Variants in FAM118B observed in about 807,000 individuals in gnomAD.
FAM118B encodes the protein SIR2 antiphage like 1.
A neutral mutation model predicts 38.5 loss-of-function variants in FAM118B; 24 were observed. The ratio of observed to expected loss-of-function variants is 0.62; its 90% confidence interval spans 0.45 to 0.88. The LOEUF is 0.88. Among genes scored for constraint, FAM118B ranks in the 40% least tolerant of loss-of-function variants. The pLI is 0.00. For synonymous variants in FAM118B, 138 were observed against 156.3 expected (o/e 0.88, Z 0.87); for missense variants, 334 against 420.0 (o/e 0.80, Z 1.79).
chr11:126,251,377 G>A (rs35638991), intron 5 of FAM118B, among the ~76,000 whole-genome samples: 16,456 of 152,270 alleles, frequency 0.11, 1,161 homozygotes, highest in Non-Finnish European at 0.16. Context: ...GCCCAACTAA[G>A]TAGAGTTGAA....
intron 7 of FAM118B, chr11:126,261,001 A>ATT: frequency 6.2e-6 from 1 of 160,558 alleles, no homozygotes; most frequent in Non-Finnish European, 1.4e-5. Context: ...GTGCTACCGT[A>ATT]TTTTATTTTG....
At position 126,255,485 on chromosome 11, in the gene FAM118B, A is replaced by G. The variant is rs1041628650; in HGVS notation, c.696+1052A>G. On this transcript the variant is annotated intron_variant, in intron 6 of 8. Transcript: ENST00000533050. The surrounding 1 kb of genome is among the most constrained non-coding windows in gnomAD (Gnocchi z 4.6). Reference sequence around the variant, plus strand: ...CATTTCTGTGTTTTTGTGTGTGTATATGTATACACACACACACACATACTG... The same window carrying G: ...CATTTCTGTGTTTTTGTGTGTGTATGTGTATACACACACACACACATACTG... 2.0e-5 allele frequency among the ~76,000 whole-genome samples: 3 copies of G among 152,224 alleles called. No individual in the cohort carries two copies. In the East Asian group the frequency reaches 5.8e-4, roughly 29 times the overall value.
chr11:126,234,517 C>G (rs1390419269), intron 2 of FAM118B, among the ~76,000 whole-genome samples: 2 of 152,210 alleles, frequency 1.3e-5, no homozygotes, highest in African/African-American at 4.8e-5. Flanking sequence ...TGTCATTCAG[C>G]AAATTAGTAT....
At chr11:126,260,420 GAA>G (rs1950665274) in intron 7 of FAM118B, 1 of 145,672 alleles carries the variant, frequency 6.9e-6, no homozygotes, top group African/African-American at 2.5e-5. Context: ...TTGGTCCTTT[GAA>G]AATTCAGTAG....
At chr11:126,261,643 A>G (rs1950702271) in intron 8 of FAM118B, among the ~76,000 whole-genome samples, 159 bp downstream of exon 8, 1 of 152,198 alleles carries the variant, frequency 6.6e-6, no homozygotes, top group Admixed American at 6.5e-5. Context: ...TAAGGATTCT[A>G]TCTTTTCCTA....
At chr11:126,218,580 G>A (rs955688584) in intron 1 of FAM118B, among the ~76,000 whole-genome samples, 3 of 152,094 alleles carry the variant, frequency 2.0e-5, no homozygotes, top group African/African-American at 4.8e-5. Context: ...AGTGCCTGGC[G>A]ATGAATAGAT....
chr11:126,247,108 C>T (rs1183278721), intron 4 of FAM118B, among the ~76,000 whole-genome samples: 1 of 152,142 alleles, frequency 6.6e-6, no homozygotes, highest in Non-Finnish European at 1.5e-5. Context: ...GCTTGGGCAA[C>T]ATAGTGAGAC....
chr11:126,230,153 G>A (rs192513525), intron 2 of FAM118B, among the ~76,000 whole-genome samples: 1 of 152,334 alleles, frequency 6.6e-6, no homozygotes, highest in East Asian at 1.9e-4. Flanking sequence ...CCTGTGTGCT[G>A]AGATAGAGGA....
chr11:126,262,192 G>C lies in FAM118B; in HGVS notation c.*59G>C, dbSNP rs561297451. 1.9e-6 allele frequency: 3 copies of C among 1,573,052 alleles called. No homozygotes were observed. The Admixed American group carries it at 5.1e-5, about 27-fold the overall frequency. On this transcript the variant is annotated 3_prime_UTR_variant, in exon 9 of 9. Transcript: ENST00000533050. ...GCTGTAAGGCCCTACTACAGACAGT[G>C]TTTAACAAGTAAACTTACAAGAACC...
intron 4 of FAM118B, among the ~76,000 whole-genome samples, chr11:126,247,534 C>T (rs1015453152): frequency 7.2e-5 from 11 of 152,004 alleles, no homozygotes; most frequent in Non-Finnish European, 1.5e-4. Flanking sequence ...GCCTTTTTAT[C>T]GGTGTGTGTA....
intron 3 of FAM118B, among the ~76,000 whole-genome samples, chr11:126,237,919 T>G (rs1950302908): frequency 1.3e-5 from 2 of 151,976 alleles, no homozygotes; most frequent in Non-Finnish European, 2.9e-5. Flanking sequence ...TCTTTTAATT[T>G]TTTTTTCTCC....
chr11:126,260,420 G>A (rs996661221), intron 7 of FAM118B: 4 of 145,672 alleles, frequency 2.7e-5, no homozygotes, highest in African/African-American at 1.0e-4. Flanking sequence ...TTGGTCCTTT[G>A]AAAATTCAGT....
Position 126,244,294 on chromosome 11 carries a change from A to G in FAM118B, c.339+3250A>G, listed in dbSNP as rs781292266. Among the ~76,000 whole-genome samples the G allele has an allele frequency of 3.9e-5, 6 of 152,226 alleles. No individual in the cohort carries two copies. The highest frequency in any genetic ancestry group is 7.3e-5 in the Non-Finnish European group (5 of 68,044). ...ATCCATATTGGAAAGGAAGAAGTAA[A>G]CTGCCTCTGTTTGCAGATGTGATGA... On this transcript the variant is annotated intron_variant, in intron 4 of 8. Coordinates refer to ENST00000533050, the MANE Select transcript of FAM118B (RefSeq NM_024556.4). This position sits in a 1 kb window ranked among gnomAD's most constrained non-coding sequence, Gnocchi z 4.5.
At chr11:126,214,661 G>A in intron 1 of FAM118B, among the ~76,000 whole-genome samples, 2 of 151,796 alleles carry the variant, frequency 1.3e-5, no homozygotes, top group Non-Finnish European at 2.9e-5. Context: ...TTAGAACAAG[G>A]AAGGAAATTC....
chr11:126,213,741 T>C (rs1949926033), intron 1 of FAM118B, among the ~76,000 whole-genome samples: 3 of 152,204 alleles, frequency 2.0e-5, no homozygotes, highest in Admixed American at 2.0e-4. Context: ...TGGCCTTCTG[T>C]GGCGGGAAAC....
intron 4 of FAM118B, among the ~76,000 whole-genome samples, chr11:126,243,982 C>T (rs1398692668): frequency 5.3e-5 from 8 of 151,662 alleles, no homozygotes; most frequent in African/African-American, 1.9e-4. Flanking sequence ...ATGATTTTCT[C>T]AGTAGGTGCA....
In FAM118B at chr11:126,244,928, T is replaced by A. The variant is rs1950401796; in HGVS notation, c.339+3884T>A. 2 of 152,224 alleles carry A rather than the reference T, an allele frequency of 1.3e-5. No homozygotes were observed. Among genetic ancestry groups the A allele is most frequent in the Admixed American group, 1.3e-4 (2 of 15,282 alleles). The allele number at this position is 152,224 out of a possible 1,614,324, so 9.4% of individuals were successfully genotyped here. On this transcript the variant is annotated intron_variant, in intron 4 of 8. Transcript: ENST00000533050. The surrounding 1 kb of genome is among the most constrained non-coding windows in gnomAD (Gnocchi z 4.5). ...CCTGAATCAGAAGACTTAATATTAT[T>A]AAGATGGAATACTCTGCAAATTGGT...
chr11:126,248,358 CTTTTTTTT>C lies in FAM118B; in HGVS notation c.340-2126_340-2119del, dbSNP rs1167017613. ...GTATCTGACCTTCAATAGTAGTTGA[CTTTTTTTT>C]TTTTTTTTTTTTTTTTTTTTTGAGA... On this transcript the variant is annotated intron_variant, in intron 4 of 8. Coordinates refer to ENST00000533050, the MANE Select transcript of FAM118B (RefSeq NM_024556.4). Among the ~76,000 whole-genome samples, 100 of 36,958 alleles carry C rather than the reference CTTTTTTTT, an allele frequency of 2.7e-3. 1 individual carries two copies. The highest frequency in any genetic ancestry group is 0.026 in the South Asian group (15 of 574). The allele number at this position is 36,958 out of a possible 152,430, so 24.2% of individuals were successfully genotyped here. A position where few individuals can be genotyped will look rare whatever the true frequency, so the allele number is the denominator to read the frequency against.
rs753740829 is a variant in FAM118B at position 126,219,471 on chromosome 11, C to T, written c.-77+7641C>T. On this transcript the variant is annotated intron_variant, in intron 1 of 8. Transcript: ENST00000533050. ...CTCGACCTCCTGGGTTCAAGCAATC[C>T]TCCCACCTCAGCCTCCCAAGTAGCT... Among the ~76,000 whole-genome samples, 17 of 148,786 alleles carry T rather than the reference C, an allele frequency of 1.1e-4. 1 individual carries two copies. Among genetic ancestry groups the T allele is most frequent in the Admixed American group, 6.8e-4 (10 of 14,746 alleles).
Sources: gnomAD v4.1 joint callset for allele counts (sites outside exome capture counted in the v4.1 genomes callset) on GRCh38, gnomAD v4.1.1 for gene constraint, Gnocchi (gnomAD v3.1) non-coding constraint, MANE v1.5 for transcripts, NCBI Gene and HGNC (gene_info 2026-07-23, HGNC 2026-07-21) for gene names.